ELAVL1: variants seen among roughly 807,000 people sequenced by gnomAD.
The protein encoded by ELAVL1 is ELAV-like protein 1.
ELAVL1 carries 1 observed loss-of-function variant against 28.4 expected under a neutral mutation model. That is an observed-to-expected ratio of 0.04 (90% CI 0.01 to 0.17). The LOEUF is 0.17. Ranked by LOEUF, ELAVL1 falls within the 10% of genes least tolerant of loss-of-function variation. The probability of loss-of-function intolerance (pLI) is 1.00; values close to 1 mark genes in which losing one functional copy is unlikely to be tolerated. For synonymous variants in ELAVL1, 174 were observed against 183.5 expected (o/e 0.95, Z 0.42); for missense variants, 157 against 447.2 (o/e 0.35, Z 5.85).
rs760892080 is a variant in ELAVL1 at position 7,981,237 on chromosome 19, G to T, written c.173-51C>A. ...GGTAAGCCAACCGTCTGCGAGTGAG[G>T]GACAGGGAGGTCGGGAAGCACTATA... On this transcript the variant is annotated intron_variant, in intron 2 of 5. Transcript: ENST00000407627. This position sits in a 1 kb window ranked among gnomAD's most constrained non-coding sequence, Gnocchi z 4.2. The T allele has an allele frequency of 1.3e-6, 2 of 1,584,778 alleles. No homozygotes were observed. Among genetic ancestry groups the T allele is most frequent in the Non-Finnish European group, 8.7e-7 (1 of 1,153,496 alleles).
At chr19:8,002,594 G>T (rs2081071953) in intron 1 of ELAVL1, among the ~76,000 whole-genome samples, 1 of 152,214 alleles carries the variant, frequency 6.6e-6, no homozygotes, top group African/African-American at 2.4e-5. Context: ...CGCTTCTCTC[G>T]CCATTCAGCC....
At chr19:7,987,945 G>C (rs1985649353) in intron 2 of ELAVL1, among the ~76,000 whole-genome samples, 1 of 152,186 alleles carries the variant, frequency 6.6e-6, no homozygotes. Flanking sequence ...GAGGAGGGGA[G>C]TGACAGGGTC....
At chr19:7,994,037 T>C (rs1244387144) in intron 1 of ELAVL1, among the ~76,000 whole-genome samples, 1 of 152,052 alleles carries the variant, frequency 6.6e-6, no homozygotes, top group African/African-American at 2.4e-5. Flanking sequence ...TGTCCTATGC[T>C]CCCTGCTCTT....
chr19:8,001,266 C>T (rs563718856), intron 1 of ELAVL1, among the ~76,000 whole-genome samples: 7 of 152,298 alleles, frequency 4.6e-5, no homozygotes, highest in East Asian at 3.9e-4. Flanking sequence ...AAACCGCCTC[C>T]GCCCCCTGAA....
chr19:7,967,521 G>A (rs906455857), intron 5 of ELAVL1, 44 bp downstream of exon 5: 11 of 1,592,134 alleles, frequency 6.9e-6, no homozygotes, highest in Middle Eastern at 2.1e-4. Flanking sequence ...GCCTGCCAGC[G>A]GGGCTAAGTA....
At chr19:8,002,196 C>T in intron 1 of ELAVL1, 1 of 1,189,542 alleles carries the variant, frequency 8.4e-7, no homozygotes, top group Non-Finnish European at 1.1e-6. Context: ...GTTCCCACCT[C>T]CGGGCTTGGC....
chr19:7,993,723 C>T (rs572757997), intron 1 of ELAVL1, among the ~76,000 whole-genome samples: 1 of 152,200 alleles, frequency 6.6e-6, no homozygotes, highest in South Asian at 2.1e-4. Context: ...CTGGAGGTCT[C>T]GGTGAGAGCC....
intron 1 of ELAVL1, among the ~76,000 whole-genome samples, chr19:7,994,439 G>T (rs1446705614): frequency 1.3e-5 from 2 of 152,204 alleles, no homozygotes; most frequent in African/African-American, 4.8e-5. Flanking sequence ...ACTTGATTCG[G>T]AACATCTACA....
chr19:7,967,020 GCTGT>G (rs1198855430), intron 5 of ELAVL1, among the ~76,000 whole-genome samples: 3 of 151,280 alleles, frequency 2.0e-5, no homozygotes, highest in Non-Finnish European at 4.4e-5. Context: ...GGGGACTGGT[GCTGT>G]CTTTTTTTTT....
At chr19:7,970,035 C>T (rs904861903) in intron 4 of ELAVL1, among the ~76,000 whole-genome samples, 2 of 151,990 alleles carry the variant, frequency 1.3e-5, no homozygotes, top group Non-Finnish European at 2.9e-5. Flanking sequence ...TACAATGGCA[C>T]GATCTCAGCT....
rs533538582 is a variant in ELAVL1, at chr19:7,993,291, C to T, written c.-16-1460G>A. Among the ~76,000 whole-genome samples, 8 of 152,300 alleles carry T rather than the reference C, an allele frequency of 5.3e-5. No individual in the cohort carries two copies. The South Asian group carries it at 1.4e-3, about 28-fold the overall frequency. On this transcript the variant is annotated intron_variant, in intron 1 of 5. Transcript: ENST00000407627. ...GTAAAAAAGCCTTTGGGTTGTCTCTCGAGAGAATTCCAGATTTCCGATTGC... is the reference window on the plus strand; with the variant it reads ...GTAAAAAAGCCTTTGGGTTGTCTCTTGAGAGAATTCCAGATTTCCGATTGC...
rs1375155760 is a variant in ELAVL1, at chr19:7,960,485, A to T, written c.*2998T>A. The stretch of plus-strand genomic sequence containing the variant: ...GTCACAGAGCTGCGACTAGAGGCAC[A>T]GCCAGCACAGAAAACTGCGGCTTGG... On this transcript the variant is annotated 3_prime_UTR_variant, in exon 6 of 6. Transcript: ENST00000407627. 2 of 152,310 alleles carry T rather than the reference A, an allele frequency of 1.3e-5. No homozygotes were observed. The highest frequency in any genetic ancestry group is 2.9e-5 in the Non-Finnish European group (2 of 68,042). 9.4% of individuals were successfully genotyped at this position (152,310 alleles called of 1,614,324 possible). A position where few individuals can be genotyped will look rare whatever the true frequency, so the allele number is the denominator to read the frequency against.
chr19:7,992,598 A>G (rs1985782305), intron 1 of ELAVL1, among the ~76,000 whole-genome samples: 1 of 152,188 alleles, frequency 6.6e-6, no homozygotes, highest in Non-Finnish European at 1.5e-5. Context: ...TGGGGGGGAC[A>G]ACAAATAGTG....
intron 2 of ELAVL1, among the ~76,000 whole-genome samples, chr19:7,987,137 C>G (rs1288388142): frequency 1.3e-5 from 1 of 79,792 alleles, no homozygotes; most frequent in African/African-American, 5.7e-5. Flanking sequence ...GAGGGTGCAG[C>G]AAGTGGGGAG....
At chr19:7,973,617 G>A in intron 4 of ELAVL1, 108 bp downstream of exon 4, 2 of 1,380,572 alleles carry the variant, frequency 1.4e-6, no homozygotes, top group Non-Finnish European at 2.0e-6. Context: ...GTCCTCGTTT[G>A]CGGAATAACT....
At chr19:7,973,440 C>T (rs1985179134) in intron 4 of ELAVL1, 1 of 451,260 alleles carries the variant, frequency 2.2e-6, no homozygotes, top group East Asian at 3.3e-5. Flanking sequence ...CCATGTTGGT[C>T]AGGCTGGTCT....
intron 3 of ELAVL1, among the ~76,000 whole-genome samples, chr19:7,978,490 G>A (rs868851273): frequency 3.3e-5 from 5 of 152,124 alleles, no homozygotes; most frequent in Admixed American, 6.5e-5. Context: ...AAAGCTCCAC[G>A]GAGCCTCCTG....
At chr19:7,995,616 C>T (rs777598272) in intron 1 of ELAVL1, among the ~76,000 whole-genome samples, 1 of 152,026 alleles carries the variant, frequency 6.6e-6, no homozygotes, top group Non-Finnish European at 1.5e-5. Context: ...TAGTAGCAAC[C>T]GTATGGCCAA....
At chr19:7,977,749 C>G (rs1309838159) in intron 3 of ELAVL1, among the ~76,000 whole-genome samples, 2 of 152,268 alleles carry the variant, frequency 1.3e-5, no homozygotes, top group Admixed American at 6.5e-5. Flanking sequence ...AGGCAAGGCA[C>G]GTCTGCGCTC....
Sources: allele counts gnomAD v4.1 joint callset (sites outside exome capture counted in the v4.1 genomes callset), GRCh38; gene constraint gnomAD v4.1.1; non-coding constraint Gnocchi (gnomAD v3.1); transcripts MANE v1.5; gene names NCBI Gene and HGNC (gene_info 2026-07-23, HGNC 2026-07-21).